The following ZMIZ1 variants were observed in gnomAD, a reference collection of about 807,000 sequenced individuals.
ZMIZ1 encodes the protein zinc finger MIZ domain-containing protein 1.
A neutral mutation model predicts 113.9 loss-of-function variants in ZMIZ1; 17 were observed. That is an observed-to-expected ratio of 0.15 (90% CI 0.10 to 0.22). The LOEUF (loss-of-function observed/expected upper bound fraction) is 0.22. Ranked by LOEUF, ZMIZ1 falls within the 10% of genes least tolerant of loss-of-function variation. ZMIZ1 has a pLI of 1.00. For missense variants in ZMIZ1, 1,059 were observed against 1,477.8 expected, an observed-to-expected ratio of 0.72 and a Z score of 4.65; for synonymous variants, 607 against 603.1, an observed-to-expected ratio of 1.01 and a Z score of -0.09.
Position 79,293,371 on chromosome 10 carries a change from C to T in ZMIZ1, c.958-10C>T, listed in dbSNP as rs1365473271. ...TTCTTCTCCCGTTGAAGGTCTGTTC[C>T]TCTTTCCAGATGGGTCCCACCCAGG... is the stretch of plus-strand genomic sequence containing the variant. On this transcript the variant is annotated splice_polypyrimidine_tract_variant and intron_variant, in intron 11 of 24. Transcript: ENST00000334512. 6.6e-7 allele frequency: 1 copy of T among 1,505,556 alleles called. No individual in the cohort carries two copies. The highest frequency in any genetic ancestry group is 2.3e-5 in the East Asian group (1 of 43,744). 93.3% of individuals were successfully genotyped at this position (1,505,556 alleles called of 1,614,324 possible).
chr10:79,242,497 G>T (rs1339870914), intron 7 of ZMIZ1, among the ~76,000 whole-genome samples: 2 of 152,074 alleles, frequency 1.3e-5, no homozygotes, highest in African/African-American at 2.4e-5. Flanking sequence ...AGCCCGTTCC[G>T]AAAATCCTTT....
chr10:79,263,064 T>C (rs1589516044), intron 7 of ZMIZ1, among the ~76,000 whole-genome samples: 3 of 152,350 alleles, frequency 2.0e-5, no homozygotes, highest in Admixed American at 1.3e-4. Context: ...CGAGAACCCA[T>C]CTGAAGGTTG....
At chr10:79,165,310 T>C (rs2132507327) in intron 4 of ZMIZ1, among the ~76,000 whole-genome samples, 1 of 152,288 alleles carries the variant, frequency 6.6e-6, no homozygotes, top group East Asian at 1.9e-4. Flanking sequence ...CGGTTTCCTC[T>C]TAGCAGCTTC....
intron 2 of ZMIZ1, among the ~76,000 whole-genome samples, chr10:79,121,311 C>T (rs1464490900): frequency 1.3e-5 from 2 of 152,128 alleles, no homozygotes; most frequent in East Asian, 3.9e-4. Flanking sequence ...CCACACTGCA[C>T]CCACCTCAAT....
At chr10:79,109,657 C>T (rs1167274694) in intron 1 of ZMIZ1, among the ~76,000 whole-genome samples, 1 of 152,216 alleles carries the variant, frequency 6.6e-6, no homozygotes, top group East Asian at 1.9e-4. Flanking sequence ...TATTCTGTGC[C>T]AGACCTTGAG....
At chr10:79,097,897 TC>T (rs1843225508) in intron 1 of ZMIZ1, among the ~76,000 whole-genome samples, 1 of 152,160 alleles carries the variant, frequency 6.6e-6, no homozygotes, top group Admixed American at 6.5e-5. Flanking sequence ...CTGGTGCCCT[TC>T]TGTGCAGCTT....
At chr10:79,263,442 C>A (rs894415731) in intron 7 of ZMIZ1, among the ~76,000 whole-genome samples, 3 of 152,274 alleles carry the variant, frequency 2.0e-5, no homozygotes, top group African/African-American at 4.8e-5. Context: ...CCCAGCAAAG[C>A]GCAGCCCATC....
intron 7 of ZMIZ1, among the ~76,000 whole-genome samples, chr10:79,273,994 G>T (rs1852109152): frequency 6.6e-6 from 1 of 152,144 alleles, no homozygotes; most frequent in African/African-American, 2.4e-5. Flanking sequence ...AAGGGGGAAA[G>T]GGACATTGGG....
intron 2 of ZMIZ1, among the ~76,000 whole-genome samples, chr10:79,136,914 T>C (rs1278913182): frequency 6.6e-6 from 1 of 152,114 alleles, no homozygotes; most frequent in Admixed American, 6.5e-5. Context: ...TAGAGTGTTC[T>C]AGGTGGGAGG....
intron 1 of ZMIZ1, among the ~76,000 whole-genome samples, chr10:79,072,830 A>G (rs980722776): frequency 2.6e-5 from 4 of 152,236 alleles, no homozygotes; most frequent in Admixed American, 6.5e-5. Context: ...TACCCAGGAC[A>G]CTGCTGCAGC....
intron 7 of ZMIZ1, among the ~76,000 whole-genome samples, chr10:79,228,291 A>G (rs1013428943): frequency 2.0e-5 from 3 of 152,154 alleles, no homozygotes; most frequent in African/African-American, 2.4e-5. Flanking sequence ...AAGTAGCTCA[A>G]CCCTTTGTAT....
intron 1 of ZMIZ1, among the ~76,000 whole-genome samples, chr10:79,077,936 G>A (rs1842529321): frequency 6.6e-6 from 1 of 152,190 alleles, no homozygotes; most frequent in Non-Finnish European, 1.5e-5. Flanking sequence ...CGATTGCCCA[G>A]GTCATGTGGT....
At chr10:79,311,301 T>TGGTGGGGGGGGGGGGGG in intron 24 of ZMIZ1, 117 bp downstream of exon 24, 1 of 116,960 alleles carries the variant, frequency 8.5e-6, no homozygotes, top group East Asian at 1.9e-4. Flanking sequence ...GGGTGGGCGG[T>TGGTGGGGGGGGGGGGGG]GGGAGGGCTT....
chr10:79,112,067 G>T (rs1469048689), intron 1 of ZMIZ1, among the ~76,000 whole-genome samples: 1 of 152,212 alleles, frequency 6.6e-6, no homozygotes, highest in Non-Finnish European at 1.5e-5. Context: ...GGAGTGTAGA[G>T]GGTGTGAGAG....
chr10:79,222,452 C>T (rs1849018459), intron 7 of ZMIZ1, among the ~76,000 whole-genome samples: 1 of 152,216 alleles, frequency 6.6e-6, no homozygotes, highest in Non-Finnish European at 1.5e-5. Flanking sequence ...AGGACACCCT[C>T]CCATCTCAAC....
chr10:79,190,668 C>A (rs1042501884), intron 4 of ZMIZ1, among the ~76,000 whole-genome samples: 1 of 152,192 alleles, frequency 6.6e-6, no homozygotes, highest in African/African-American at 2.4e-5. Flanking sequence ...GTCATTCACA[C>A]CCCCTGTGTG....
At chr10:79,071,400 T>G (rs1179188534) in intron 1 of ZMIZ1, among the ~76,000 whole-genome samples, 1 of 152,170 alleles carries the variant, frequency 6.6e-6, no homozygotes, top group African/African-American at 2.4e-5. Context: ...TTACTGTTTT[T>G]GAAGGTACAG....
At chr10:79,094,302 G>A (rs950044928) in intron 1 of ZMIZ1, among the ~76,000 whole-genome samples, 2 of 152,212 alleles carry the variant, frequency 1.3e-5, no homozygotes. Context: ...GGCCACGAAC[G>A]CTGGGGCCAA....
At chr10:79,165,700 A>T (rs1174365325) in intron 4 of ZMIZ1, among the ~76,000 whole-genome samples, 1 of 152,072 alleles carries the variant, frequency 6.6e-6, no homozygotes, top group African/African-American at 2.4e-5. Context: ...GAGAGTTCGG[A>T]CCTGCCCTCC....
Sources: gnomAD v4.1 joint callset for allele counts (sites outside exome capture counted in the v4.1 genomes callset) on GRCh38, gnomAD v4.1.1 for gene constraint, MANE v1.5 for transcripts, NCBI Gene and HGNC (gene_info 2026-07-23, HGNC 2026-07-21) for gene names.